RGCC: variants seen among roughly 807,000 people sequenced by gnomAD.
RGCC encodes the protein regulator of cell cycle, also known as regulator of cell cycle RGCC.
In RGCC, 15 loss-of-function variants were observed where a neutral mutation model predicts 15.4. That is an observed-to-expected ratio of 0.97 (90% CI 0.65 to 1.50). RGCC has a LOEUF of 1.50. Ranked by LOEUF, RGCC falls within the 40% of genes most tolerant of loss-of-function variation. The pLI is 0.00. For synonymous variants in RGCC, 81 were observed against 78.0 expected, an observed-to-expected ratio of 1.04 and a Z score of -0.20; for missense variants, 176 against 189.7, an observed-to-expected ratio of 0.93 and a Z score of 0.42.
chr13:41,467,334 A>C (rs910623757), intron 3 of RGCC, among the ~76,000 whole-genome samples: 11 of 152,224 alleles, frequency 7.2e-5, no homozygotes, highest in Non-Finnish European at 1.3e-4. Context: ...TAATTATTTA[A>C]CCAATGCTTT....
chr13:41,463,070 TAA>T (rs1251755743), intron 2 of RGCC, among the ~76,000 whole-genome samples: 1 of 152,190 alleles, frequency 6.6e-6, no homozygotes, highest in Non-Finnish European at 1.5e-5. Flanking sequence ...GTTAAATCAT[TAA>T]AACCACAGGC....
At chr13:41,464,580 C>A (rs1254033360) in intron 2 of RGCC, among the ~76,000 whole-genome samples, 7 of 152,130 alleles carry the variant, frequency 4.6e-5, no homozygotes, top group African/African-American at 1.7e-4. Flanking sequence ...TGGTCAGGTA[C>A]ACTGGGGAAA....
At chr13:41,470,394 T>G (rs975435581) in intron 4 of RGCC, 84 bp from the exon 5 acceptor site, 3 of 1,389,928 alleles carry the variant, frequency 2.2e-6, no homozygotes, top group Non-Finnish European at 3.1e-6. Flanking sequence ...GGTGCTTTGA[T>G]GCACGTCTGA....
At chr13:41,469,264 GTAA>G (rs767884291) in intron 4 of RGCC, among the ~76,000 whole-genome samples, 9,129 of 136,326 alleles carry the variant, frequency 0.067, 360 homozygotes, top group Admixed American at 0.1. Context: ...CGTCAAAATA[GTAA>G]TAATAATAAT....
At chr13:41,468,470 G>A (rs1464306426) in intron 3 of RGCC, among the ~76,000 whole-genome samples, 10 of 152,228 alleles carry the variant, frequency 6.6e-5, no homozygotes, top group Non-Finnish European at 2.9e-5. Flanking sequence ...AGGTGAGGGA[G>A]AAGTGGGGTG....
chr13:41,457,647 GC>G lies in RGCC; in HGVS notation c.-57del. ...GTGCGGGACAGCAAGCCCCCGAATAGCCCCGGCTGCCACCTCGCAGGACCCA... is the reference window on the plus strand; with the variant it reads ...GTGCGGGACAGCAAGCCCCCGAATAGCCCGGCTGCCACCTCGCAGGACCCA... On this transcript the variant is annotated 5_prime_UTR_variant, in exon 1 of 5. Coordinates refer to ENST00000379359, the MANE Select transcript of RGCC (RefSeq NM_014059.3). This position sits in a 1 kb window ranked among gnomAD's most constrained non-coding sequence, Gnocchi z 4.9. 6.7e-7 allele frequency: 1 copy of G among 1,502,082 alleles called. No homozygotes were observed. The highest frequency in any genetic ancestry group is 8.9e-7 in the Non-Finnish European group (1 of 1,127,364). The allele number at this position is 1,502,082 out of a possible 1,614,324, so 93.0% of individuals were successfully genotyped here.
chr13:41,463,284 T>C (rs1328452879), intron 2 of RGCC, among the ~76,000 whole-genome samples: 3 of 151,896 alleles, frequency 2.0e-5, no homozygotes, highest in African/African-American at 7.2e-5. Flanking sequence ...TGTGTAGATA[T>C]CATCACAGGG....
In RGCC at chr13:41,470,531, A is replaced by C. The variant is rs1184743872; in HGVS notation, c.*46A>C. ...TTCATCATAAGGGAGAAGCTTCAGA[A>C]AGTTCCGAGGACCTGCTAAAATCAG... On this transcript the variant is annotated 3_prime_UTR_variant, in exon 5 of 5. Coordinates refer to ENST00000379359, the MANE Select transcript of RGCC (RefSeq NM_014059.3). 6.2e-7 allele frequency: 1 copy of C among 1,602,366 alleles called. No homozygotes were observed. The highest frequency in any genetic ancestry group is 2.2e-5 in the East Asian group (1 of 44,826).
chr13:41,461,878 G>A (rs954600171), intron 2 of RGCC, among the ~76,000 whole-genome samples: 4 of 152,224 alleles, frequency 2.6e-5, no homozygotes, highest in Non-Finnish European at 5.9e-5. Context: ...AGGCCAATGA[G>A]GAGCCTTCAG....
At chr13:41,462,742 G>C (rs1458871658) in intron 2 of RGCC, among the ~76,000 whole-genome samples, 1 of 152,218 alleles carries the variant, frequency 6.6e-6, no homozygotes, top group Non-Finnish European at 1.5e-5. Flanking sequence ...TCCAGGGGAG[G>C]GAAAAGAACA....
In RGCC at chr13:41,466,978, C is replaced by T. The variant is rs773014336; in HGVS notation, c.343+48C>T. 3.4e-6 allele frequency: 4 copies of T among 1,173,106 alleles called. No individual in the cohort carries two copies. In the East Asian group the frequency reaches 9.4e-5, roughly 27 times the overall value. The allele number at this position is 1,173,106 out of a possible 1,614,324, so 72.7% of individuals were successfully genotyped here. A position where few individuals can be genotyped will look rare whatever the true frequency, so the allele number is the denominator to read the frequency against. On this transcript the variant is annotated intron_variant, in intron 3 of 4. Transcript: ENST00000379359. ...GAGTTTTTTGCTTTTTTATTCCTCT[C>T]TCCTTCTCAATCCCTTCTCTGTCCC...
chr13:41,468,969 C>A, intron 4 of RGCC, 131 bp downstream of exon 4: 2 of 673,316 alleles, frequency 3.0e-6, no homozygotes, highest in South Asian at 3.8e-5. Flanking sequence ...GGTTTAGAAA[C>A]AGGACCCTAG....
At chr13:41,468,993 C>G (rs1593579822) in intron 4 of RGCC, 155 bp downstream of exon 4, 1 of 599,156 alleles carries the variant, frequency 1.7e-6, no homozygotes, top group East Asian at 2.9e-5. Flanking sequence ...GGGGCAGTGG[C>G]TCACGCCTGT....
In RGCC at chr13:41,458,287, C is replaced by A; in HGVS notation, c.52C>A (p.Pro18Thr). ...TGAGCCCCTGGCCCTGCCCGCAGCCCCGGCCCTGGACTCGGCGGCCGCGGA... is the reference window on the plus strand; with the variant it reads ...TGAGCCCCTGGCCCTGCCCGCAGCCACGGCCCTGGACTCGGCGGCCGCGGA... ...GSPAAAAAAA[P>T]ALDSAAAEDL... The change falls in exon 2 of 5, where the codon CCG (proline) becomes ACG (threonine). Residue 18 changes from proline (P) to threonine (T), a missense_variant and splice_region_variant. Coordinates refer to ENST00000379359, the MANE Select transcript of RGCC (RefSeq NM_014059.3). The surrounding 1 kb of genome is among the most constrained non-coding windows in gnomAD (Gnocchi z 4.4). The A allele has an allele frequency of 6.4e-7, 1 of 1,570,542 alleles. No homozygotes were observed. The highest frequency in any genetic ancestry group is 2.3e-5 in the East Asian group (1 of 43,508).
intron 4 of RGCC, 82 bp from the exon 5 acceptor site, chr13:41,470,396 C>T (rs1045600126): frequency 7.2e-7 from 1 of 1,393,834 alleles, no homozygotes; most frequent in Non-Finnish European, 1.0e-6. Context: ...TGCTTTGATG[C>T]ACGTCTGAGA....
chr13:41,468,229 A>G (rs933269355), intron 3 of RGCC, among the ~76,000 whole-genome samples: 65 of 152,202 alleles, frequency 4.3e-4, no homozygotes, highest in African/African-American at 1.5e-3. Flanking sequence ...AGGAACTCTG[A>G]GGGCTGCAGC....
intron 4 of RGCC, among the ~76,000 whole-genome samples, chr13:41,469,273 A>G (rs916952698): frequency 4.2e-5 from 4 of 95,090 alleles, no homozygotes; most frequent in African/African-American, 1.2e-4. Flanking sequence ...AGTAATAATA[A>G]TAATAATAAT....
chr13:41,466,527 T>C (rs1174527663), intron 2 of RGCC, among the ~76,000 whole-genome samples: 1 of 152,120 alleles, frequency 6.6e-6, no homozygotes, highest in East Asian at 1.9e-4. Context: ...TAGCTGGGGC[T>C]ACAGACACAC....
chr13:41,465,050 T>C (rs899401580), intron 2 of RGCC, among the ~76,000 whole-genome samples: 1 of 152,206 alleles, frequency 6.6e-6, no homozygotes, highest in African/African-American at 2.4e-5. Flanking sequence ...AGAAACCTCT[T>C]CTTCCGAAAA....
Sources: gnomAD v4.1 joint callset for allele counts (sites outside exome capture counted in the v4.1 genomes callset) on GRCh38, gnomAD v4.1.1 for gene constraint, Gnocchi (gnomAD v3.1) non-coding constraint, MANE v1.5 for transcripts, NCBI Gene and HGNC (gene_info 2026-07-23, HGNC 2026-07-21) for gene names.